Variants in KCNQ5 observed in about 807,000 individuals in gnomAD.
The protein encoded by KCNQ5 is potassium voltage-gated channel subfamily KQT member 5.
KCNQ5 carries 30 observed loss-of-function variants against 98.2 expected under a neutral mutation model. The ratio of observed to expected loss-of-function variants is 0.31; its 90% CI spans 0.23 to 0.41. KCNQ5 has a LOEUF of 0.41. Among genes scored for constraint, KCNQ5 ranks in the 10% least tolerant of loss-of-function variants. The probability of loss-of-function intolerance (pLI) is 1.00; values close to 1 mark genes in which losing one functional copy is unlikely to be tolerated. For synonymous variants in KCNQ5, 458 were observed against 449.4 expected (o/e 1.02, Z -0.24); for missense variants, 835 against 1,182.5 (o/e 0.71, Z 4.31).
At chr6:72,922,323 C>G (rs1161207630) in intron 1 of KCNQ5, among the ~76,000 whole-genome samples, 2 of 152,058 alleles carry the variant, frequency 1.3e-5, no homozygotes, top group African/African-American at 4.8e-5. Flanking sequence ...TATATACTTA[C>G]AGTTTACAAC....
At chr6:73,019,990 A>C (rs1485795749) in intron 2 of KCNQ5, among the ~76,000 whole-genome samples, 1 of 152,168 alleles carries the variant, frequency 6.6e-6, no homozygotes, top group African/African-American at 2.4e-5. Flanking sequence ...ACCTTATCAG[A>C]GAGGAAAAAA....
chr6:72,937,208 A>C (rs1347219297), intron 1 of KCNQ5, among the ~76,000 whole-genome samples: 2 of 151,998 alleles, frequency 1.3e-5, no homozygotes, highest in Non-Finnish European at 2.9e-5. Flanking sequence ...TTTAATAGTC[A>C]CTCTCTCCTC....
intron 1 of KCNQ5, among the ~76,000 whole-genome samples, chr6:72,777,255 A>G (rs1189249800): frequency 6.6e-6 from 1 of 152,258 alleles, no homozygotes; most frequent in East Asian, 1.9e-4. Context: ...GAGAAGGACA[A>G]GACATTACTG....
At chr6:73,034,852 T>C (rs1006379242) in intron 2 of KCNQ5, among the ~76,000 whole-genome samples, 4 of 149,268 alleles carry the variant, frequency 2.7e-5, no homozygotes, top group Non-Finnish European at 4.5e-5. Flanking sequence ...TTTTTTTTTT[T>C]TTTTTTTTTT....
intron 1 of KCNQ5, among the ~76,000 whole-genome samples, chr6:72,729,851 G>C (rs556611293): frequency 4.1e-4 from 63 of 152,206 alleles, no homozygotes; most frequent in African/African-American, 1.2e-3. Flanking sequence ...CTGGGTTGTT[G>C]GCTTCTACTG....
rs1204034000 is a variant in KCNQ5 at position 73,087,668 on chromosome 6, C to T, written c.918+9781C>T. On this transcript the variant is annotated intron_variant, in intron 5 of 13. Coordinates refer to ENST00000370398, the MANE Select transcript of KCNQ5 (RefSeq NM_019842.4). ...TACAATTTTTAAAAGAAGAAAAAGA[C>T]TTAGAACAAAACCTTAAAAATCCAG... 3.9e-5 allele frequency among the ~76,000 whole-genome samples: 6 copies of T among 151,976 alleles called. No individual in the cohort carries two copies. The East Asian group carries it at 9.6e-4, about 24-fold the overall frequency.
intron 1 of KCNQ5, among the ~76,000 whole-genome samples, chr6:72,880,511 A>T (rs1581948392): frequency 6.6e-6 from 1 of 152,336 alleles, no homozygotes; most frequent in East Asian, 1.9e-4. Context: ...TGAAGGGGAC[A>T]CAATTATTCA....
At chr6:73,049,370 T>C (rs1472009641) in intron 3 of KCNQ5, among the ~76,000 whole-genome samples, 1 of 152,232 alleles carries the variant, frequency 6.6e-6, no homozygotes. Flanking sequence ...AATTAGAATA[T>C]AGAGCTTATA....
At chr6:72,846,716 C>T (rs1273848122) in intron 1 of KCNQ5, among the ~76,000 whole-genome samples, 3 of 152,096 alleles carry the variant, frequency 2.0e-5, no homozygotes, top group African/African-American at 7.2e-5. Context: ...TACCTTCCTT[C>T]CCAAACTTGG....
At chr6:72,802,149 A>C (rs1179972429) in intron 1 of KCNQ5, among the ~76,000 whole-genome samples, 1 of 151,834 alleles carries the variant, frequency 6.6e-6, no homozygotes, top group Non-Finnish European at 1.5e-5. Context: ...CGTTCTCTGT[A>C]TTTCCTGAAT....
intron 1 of KCNQ5, among the ~76,000 whole-genome samples, chr6:72,640,479 T>C (rs562530543): frequency 3.2e-4 from 49 of 152,308 alleles, no homozygotes; most frequent in African/African-American, 1.1e-3. Flanking sequence ...AGCATAACAC[T>C]TATTTAACAA....
At chr6:72,806,693 TA>T (rs1774977652) in intron 1 of KCNQ5, among the ~76,000 whole-genome samples, 1 of 152,108 alleles carries the variant, frequency 6.6e-6, no homozygotes, top group Admixed American at 6.6e-5. Context: ...ATTAAGGAAT[TA>T]AATGTGTCTT....
At chr6:73,122,950 AAC>A (rs1775803895) in intron 8 of KCNQ5, among the ~76,000 whole-genome samples, 1 of 152,192 alleles carries the variant, frequency 6.6e-6, no homozygotes, top group Non-Finnish European at 1.5e-5. Context: ...TGTAGTAAGA[AAC>A]AGACTACAAT....
At chr6:72,921,398 C>T (rs778305728) in intron 1 of KCNQ5, among the ~76,000 whole-genome samples, 14 of 152,094 alleles carry the variant, frequency 9.2e-5, no homozygotes, top group Non-Finnish European at 1.8e-4. Context: ...GCATGTTTGG[C>T]GTGAGTAGAA....
intron 1 of KCNQ5, among the ~76,000 whole-genome samples, chr6:72,979,570 A>G (rs1042293092): frequency 6.6e-6 from 1 of 151,998 alleles, no homozygotes; most frequent in African/African-American, 2.4e-5. Flanking sequence ...TGGACTCTGG[A>G]TATTAGCCCT....
chr6:72,881,709 T>A (rs1778639621), intron 1 of KCNQ5, among the ~76,000 whole-genome samples: 1 of 152,160 alleles, frequency 6.6e-6, no homozygotes, highest in Admixed American at 6.5e-5. Context: ...TTATTTTATT[T>A]TTGAGACTGT....
chr6:72,809,790 T>G (rs1448813072), intron 1 of KCNQ5, among the ~76,000 whole-genome samples: 1 of 152,192 alleles, frequency 6.6e-6, no homozygotes. Flanking sequence ...ATGCTTCCCT[T>G]TACTTTCACA....
At chr6:73,032,018 G>A (rs1771173694) in intron 2 of KCNQ5, among the ~76,000 whole-genome samples, 1 of 152,148 alleles carries the variant, frequency 6.6e-6, no homozygotes, top group South Asian at 2.1e-4. Context: ...CTCACTCTCA[G>A]TAGCATGGAA....
At chr6:72,663,431 C>T (rs1412193129) in intron 1 of KCNQ5, among the ~76,000 whole-genome samples, 1 of 152,078 alleles carries the variant, frequency 6.6e-6, no homozygotes, top group Non-Finnish European at 1.5e-5. Flanking sequence ...AACTAGTCTT[C>T]CTAAGAGTGA....
Sources: gnomAD v4.1 joint callset for allele counts (sites outside exome capture counted in the v4.1 genomes callset) on GRCh38, gnomAD v4.1.1 for gene constraint, MANE v1.5 for transcripts, NCBI Gene and HGNC (gene_info 2026-07-23, HGNC 2026-07-21) for gene names.